Variants in ALK observed in about 807,000 individuals in gnomAD.
ALK encodes ALK tyrosine kinase receptor.
A neutral mutation model predicts 163.1 loss-of-function variants in ALK; 74 were observed. The observed-to-expected ratio is 0.45, with a 90% CI of 0.38 to 0.55. ALK has a LOEUF of 0.55. ALK is among the 20% of genes least tolerant of loss of function. ALK has a pLI of 0.00. For synonymous variants in ALK, 960 were observed against 843.2 expected (o/e 1.14, Z -2.40); for missense variants, 2,063 against 2,105.3 (o/e 0.98, Z 0.39).
chr2:29,496,412 C>T (rs923742408), intron 4 of ALK, among the ~76,000 whole-genome samples: 7 of 152,176 alleles, frequency 4.6e-5, no homozygotes, highest in African/African-American at 1.7e-4. Context: ...TATGGCAGTG[C>T]AGGCTGTGTC....
intron 4 of ALK, among the ~76,000 whole-genome samples, chr2:29,463,892 A>T (rs561386793): frequency 6.6e-6 from 1 of 152,300 alleles, no homozygotes; most frequent in Non-Finnish European, 1.5e-5. Flanking sequence ...CTGTGTCCCA[A>T]CCAGCCAAAG....
intron 2 of ALK, among the ~76,000 whole-genome samples, chr2:29,713,706 A>T (rs531884181): frequency 4.6e-5 from 7 of 152,362 alleles, no homozygotes; most frequent in African/African-American, 1.4e-4. Context: ...AAATGAAAGC[A>T]CATTAATAAA....
intron 3 of ALK, among the ~76,000 whole-genome samples, chr2:29,564,445 C>A (rs1027332269): frequency 5.6e-5 from 6 of 108,054 alleles, no homozygotes; most frequent in African/African-American, 2.2e-4. Context: ...ACCACCACCC[C>A]CACCGCCACC....
chr2:29,357,485 C>T (rs538786334), intron 5 of ALK, among the ~76,000 whole-genome samples: 2 of 152,322 alleles, frequency 1.3e-5, no homozygotes, highest in East Asian at 3.9e-4. Flanking sequence ...TCTAGAAAGG[C>T]CAGTTATATT....
intron 3 of ALK, among the ~76,000 whole-genome samples, chr2:29,617,114 T>C (rs775450174): frequency 6.6e-6 from 1 of 152,160 alleles, no homozygotes; most frequent in Non-Finnish European, 1.5e-5. Flanking sequence ...TGCTGGAAAC[T>C]GTCTCTTCTT....
In ALK at chr2:29,785,946, CACACACACACACAT is replaced by C. The variant is rs769421925; in HGVS notation, c.668-68263_668-68250del. On this transcript the variant is annotated intron_variant, in intron 1 of 28. Transcript: ENST00000389048. ...ACACACACACACACACACACACACA[CACACACACACACAT>C]TACCCTCTCTGCAAGGTTGGAACTA... 6.8e-3 allele frequency among the ~76,000 whole-genome samples: 550 copies of C among 81,402 alleles called. 5 individuals carry two copies. The highest frequency in any genetic ancestry group is 0.015 in the African/African-American group (454 of 29,520). The allele number at this position is 81,402 out of a possible 152,430, so 53.4% of individuals were successfully genotyped here. A position where few individuals can be genotyped will look rare whatever the true frequency, so the allele number is the denominator to read the frequency against.
intron 3 of ALK, among the ~76,000 whole-genome samples, chr2:29,571,437 T>C (rs1261312191): frequency 6.6e-6 from 1 of 152,124 alleles, no homozygotes; most frequent in South Asian, 2.1e-4. Flanking sequence ...CAAGATCTGA[T>C]GGTTTTATAA....
At chr2:29,254,687 G>C (rs976620074) in intron 11 of ALK, among the ~76,000 whole-genome samples, 1 of 152,196 alleles carries the variant, frequency 6.6e-6, no homozygotes, top group Non-Finnish European at 1.5e-5. Context: ...CTTTCTGTGA[G>C]AATTAGACGA....
intron 3 of ALK, among the ~76,000 whole-genome samples, chr2:29,648,938 C>A (rs13008045): frequency 5.9e-5 from 9 of 152,058 alleles, no homozygotes; most frequent in Non-Finnish European, 1.0e-4. Flanking sequence ...GTATGGAATT[C>A]TAAATTGGAA....
intron 3 of ALK, among the ~76,000 whole-genome samples, chr2:29,558,876 G>T (rs1673936237): frequency 6.6e-6 from 1 of 152,064 alleles, no homozygotes; most frequent in African/African-American, 2.4e-5. Flanking sequence ...CTCCTGAATT[G>T]AACTGAAAGG....
intron 5 of ALK, among the ~76,000 whole-genome samples, chr2:29,343,395 T>A (rs1347308627): frequency 7.3e-6 from 1 of 136,230 alleles, no homozygotes; most frequent in African/African-American, 2.7e-5. Flanking sequence ...AAAAAAAAAA[T>A]TTAGAGATGG....
chr2:29,578,821 G>T (rs963655613), intron 3 of ALK, among the ~76,000 whole-genome samples: 6 of 152,198 alleles, frequency 3.9e-5, no homozygotes, highest in Admixed American at 1.3e-4. Flanking sequence ...GTCACCCGCT[G>T]GTTAGTGCAG....
intron 3 of ALK, among the ~76,000 whole-genome samples, chr2:29,535,971 C>T (rs1378577787): frequency 6.6e-6 from 1 of 152,168 alleles, no homozygotes; most frequent in African/African-American, 2.4e-5. Context: ...GTTCCCTGCC[C>T]TGCCTTCCTC....
chr2:29,296,004 C>T (rs1354081053), intron 9 of ALK, among the ~76,000 whole-genome samples: 1 of 152,160 alleles, frequency 6.6e-6, no homozygotes, highest in Non-Finnish European at 1.5e-5. Context: ...CCATGCAGGG[C>T]CATCTTTATT....
At chr2:29,436,725 A>G (rs1670409850) in intron 4 of ALK, among the ~76,000 whole-genome samples, 1 of 152,154 alleles carries the variant, frequency 6.6e-6, no homozygotes, top group South Asian at 2.1e-4. Context: ...CCACAATTCA[A>G]TTTCCACTCT....
chr2:29,832,084 C>T (rs766922593), intron 1 of ALK, among the ~76,000 whole-genome samples: 3 of 152,028 alleles, frequency 2.0e-5, no homozygotes, highest in African/African-American at 4.8e-5. Context: ...GATGAGGTTC[C>T]CTGTATGCAT....
At chr2:29,339,960 C>T (rs926427684) in intron 5 of ALK, among the ~76,000 whole-genome samples, 1 of 152,172 alleles carries the variant, frequency 6.6e-6, no homozygotes, top group Admixed American at 6.5e-5. Flanking sequence ...TCGGGTTCTC[C>T]GAAGGAATTA....
At chr2:29,260,227 T>TATG (rs57062743) in intron 11 of ALK, among the ~76,000 whole-genome samples, 1 of 151,654 alleles carries the variant, frequency 6.6e-6, no homozygotes, top group African/African-American at 2.4e-5. Flanking sequence ...CTGTTTTTCT[T>TATG]ACAATGACTT....
chr2:29,223,506 C>T lies in ALK; in HGVS notation c.3195G>A (p.Glu1065=), dbSNP rs1050917741. The T allele has an allele frequency of 1.2e-6, 2 of 1,613,932 alleles. No individual in the cohort carries two copies. The highest frequency in any genetic ancestry group is 2.7e-5 in the African/African-American group (2 of 74,930). Reference sequence around the variant, plus strand: ...GCAGCTCCATCTGCATGGCTTGCAGCTCCTGGTGCTTCCGGCGGTACACTG... The same window carrying T: ...GCAGCTCCATCTGCATGGCTTGCAGTTCCTGGTGCTTCCGGCGGTACACTG... The part of the protein sequence containing the change: ...IMIVYRRKHQ[E]LQAMQMELQS... Residue 1065 remains glutamate, a synonymous_variant, in exon 20 of 29, where the codon GAG becomes GAA. Transcript: ENST00000389048.
Sources: gnomAD v4.1 joint callset for allele counts (sites outside exome capture counted in the v4.1 genomes callset) on GRCh38, gnomAD v4.1.1 for gene constraint, MANE v1.5 for transcripts, NCBI Gene and HGNC (gene_info 2026-07-23, HGNC 2026-07-21) for gene names.